Variants in NCR1 observed in about 807,000 individuals in gnomAD.
NCR1 encodes the protein natural cytotoxicity triggering receptor 1, also known as NK cell-activating receptor.
A neutral mutation model predicts 32.5 loss-of-function variants in NCR1; 30 were observed. That is an observed-to-expected ratio of 0.92 (90% CI 0.69 to 1.25). The LOEUF is 1.25. NCR1 is among the 50% of genes most tolerant of loss of function. The pLI is 0.00. For synonymous variants in NCR1, 169 were observed against 143.4 expected, an observed-to-expected ratio of 1.18 and a Z score of -1.28; for missense variants, 369 against 380.7, an observed-to-expected ratio of 0.97 and a Z score of 0.26.
At chr19:54,926,360 T>C in the NCR1 span, among the ~76,000 whole-genome samples, 1 of 152,178 alleles carries the variant, frequency 6.6e-6, no homozygotes, top group Non-Finnish European at 1.5e-5. Flanking sequence ...TAGAAAAGTA[T>C]CTAATTTTTA....
the NCR1 span, among the ~76,000 whole-genome samples, chr19:54,935,915 G>GA: frequency 1.2e-4 from 18 of 152,108 alleles, no homozygotes; most frequent in East Asian, 2.5e-3. Context: ...CCCGTCTGTG[G>GA]AAAAAACTGT....
chr19:54,929,185 A>G, the NCR1 span, among the ~76,000 whole-genome samples: 1,290 of 152,168 alleles, frequency 8.5e-3, 12 homozygotes, highest in Non-Finnish European at 0.013. Flanking sequence ...TCTGGCTAAC[A>G]TGGTGAAACC....
chr19:54,924,277 T>C, the NCR1 span, among the ~76,000 whole-genome samples: 1 of 152,130 alleles, frequency 6.6e-6, no homozygotes, highest in African/African-American at 2.4e-5. Flanking sequence ...CAGAAAAGTT[T>C]TCTAAAAAGA....
At chr19:54,902,010 G>T (rs2067309917), upstream of NCR1, among the ~76,000 whole-genome samples, 1 of 152,152 alleles carries the variant, frequency 6.6e-6, no homozygotes, top group Non-Finnish European at 1.5e-5. Flanking sequence ...GTGTAATCTT[G>T]GATTAAATCC....
chr19:54,927,597 AC>A, the NCR1 span: 3 of 1,613,296 alleles, frequency 1.9e-6, no homozygotes, highest in Non-Finnish European at 2.5e-6. Context: ...AAAACAAAAA[AC>A]CCATACCTGA....
At chr19:54,904,983 C>T (rs2067487739), upstream of NCR1, among the ~76,000 whole-genome samples, 1 of 152,194 alleles carries the variant, frequency 6.6e-6, no homozygotes, top group African/African-American at 2.4e-5. Flanking sequence ...TCCAGTCCAC[C>T]TCTGATGGGA....
downstream of NCR1, among the ~76,000 whole-genome samples, chr19:54,918,095 C>T (rs369282641): frequency 2.9e-4 from 44 of 151,908 alleles, no homozygotes; most frequent in Middle Eastern, 6.9e-3. Flanking sequence ...GCCACCTAGC[C>T]CGGCTAATTT....
chr19:54,926,721 G>C, the NCR1 span, among the ~76,000 whole-genome samples: 1 of 151,928 alleles, frequency 6.6e-6, no homozygotes, highest in East Asian at 1.9e-4. Flanking sequence ...CTCGAGACCA[G>C]CCTGGCCAAC....
upstream of NCR1, among the ~76,000 whole-genome samples, chr19:54,904,134 A>G (rs2067389900): frequency 7.0e-6 from 1 of 142,134 alleles, no homozygotes; most frequent in Admixed American, 6.8e-5. Context: ...TCAAAAAAAA[A>G]AAAAAAAAAG....
chr19:54,903,512 A>G (rs1015009898), upstream of NCR1, among the ~76,000 whole-genome samples: 3 of 134,072 alleles, frequency 2.2e-5, no homozygotes, highest in Non-Finnish European at 5.0e-5. Context: ...GTATACACGC[A>G]TACATGTGTG....
the NCR1 span, among the ~76,000 whole-genome samples, chr19:54,931,354 C>T: frequency 2.0e-5 from 3 of 152,050 alleles, no homozygotes; most frequent in Admixed American, 1.3e-4. Context: ...ATCAGGAGTT[C>T]AAGACCAGCC....
the NCR1 span, among the ~76,000 whole-genome samples, chr19:54,937,226 A>C: frequency 6.6e-6 from 1 of 151,946 alleles, no homozygotes; most frequent in Non-Finnish European, 1.5e-5. Context: ...AAAAAAAAAA[A>C]AAAAAGTCAA....
At chr19:54,936,990 G>A in the NCR1 span, among the ~76,000 whole-genome samples, 12 of 151,488 alleles carry the variant, frequency 7.9e-5, no homozygotes, top group African/African-American at 1.2e-4. Flanking sequence ...AGGCCGAGGC[G>A]GGTGGATCAC....
At chr19:54,900,193 G>A in the NCR1 span, among the ~76,000 whole-genome samples, 4 of 152,162 alleles carry the variant, frequency 2.6e-5, no homozygotes, top group East Asian at 1.9e-4. Flanking sequence ...TTTCACTCAC[G>A]TCCGTGTGAA....
At chr19:54,921,806 CTT>C in the NCR1 span, among the ~76,000 whole-genome samples, 1 of 144,902 alleles carries the variant, frequency 6.9e-6, no homozygotes, top group Non-Finnish European at 1.5e-5. Flanking sequence ...GAAAAGAAAA[CTT>C]TGTCATACAA....
chr19:54,901,513 G>A (rs1024157262), upstream of NCR1, among the ~76,000 whole-genome samples: 1 of 152,048 alleles, frequency 6.6e-6, no homozygotes, highest in Non-Finnish European at 1.5e-5. Flanking sequence ...TGGGCTTAAG[G>A]CTGAATTAAA....
At chr19:54,903,510 G>A (rs147409860), upstream of NCR1, among the ~76,000 whole-genome samples, 195 of 127,122 alleles carry the variant, frequency 1.5e-3, no homozygotes, top group African/African-American at 4.7e-3. Flanking sequence ...ATGTATACAC[G>A]CATACATGTG....
the NCR1 span, among the ~76,000 whole-genome samples, chr19:54,926,227 T>TGTGTGTGTGTGTGTGTGC: frequency 1.3e-5 from 2 of 150,840 alleles, no homozygotes; most frequent in South Asian, 2.1e-4. Context: ...TGTGTGTGTG[T>TGTGTGTGTGTGTGTGTGC]GCTCATGCAC....
At chr19:54,900,908 A>T in the NCR1 span, among the ~76,000 whole-genome samples, 1 of 152,086 alleles carries the variant, frequency 6.6e-6, no homozygotes, top group African/African-American at 2.4e-5. Flanking sequence ...TGAATACCAC[A>T]AAATTTAAAC....
Sources: allele counts gnomAD v4.1 joint callset (sites outside exome capture counted in the v4.1 genomes callset), GRCh38; gene constraint gnomAD v4.1.1; transcripts MANE v1.5; gene names NCBI Gene and HGNC (gene_info 2026-07-23, HGNC 2026-07-21).